Variants in PER2 observed in about 807,000 individuals in gnomAD.
PER2 encodes the protein period circadian protein homolog 2.
In PER2, 66 loss-of-function variants were observed where a neutral mutation model predicts 121.0. The ratio of observed to expected loss-of-function variants is 0.55; its 90% confidence interval spans 0.45 to 0.67. The LOEUF is 0.67. Among genes scored for constraint, PER2 ranks in the 30% least tolerant of loss-of-function variants. PER2 has a pLI of 0.00. For missense variants in PER2, 1,521 were observed against 1,635.0 expected (o/e 0.93, Z 1.20); for synonymous variants, 684 against 659.9 (o/e 1.04, Z -0.56).
intron 20 of PER2, 124 bp from the exon 21 acceptor site, chr2:238,250,867 T>C: frequency 1.4e-6 from 1 of 702,870 alleles, no homozygotes; most frequent in East Asian, 2.7e-5. Flanking sequence ...ATTGGGTATC[T>C]ATGCCGGTGC....
Position 238,250,666 on chromosome 2 carries a change from T to C in PER2, c.3352A>G (p.Asn1118Asp). ...TGCTCACTTTCTTCCATACCAGTGT[T>C]CATTTTTGCTTTGTGATTATTCTCT... ...SSENNHKAKM[N>D]TGMEESEHFI... Residue 1118 changes from asparagine to aspartate, a missense_variant, in exon 21 of 23, where the codon AAC becomes GAC. By Grantham distance (23) the Asn-to-Asp change is conservative (BLOSUM62 1). Coordinates refer to ENST00000254657, the MANE Select transcript of PER2 (RefSeq NM_022817.3). The C allele has an allele frequency of 6.2e-7, 1 of 1,613,348 alleles. No homozygotes were observed. Among genetic ancestry groups the C allele is most frequent in the Non-Finnish European group, 8.5e-7 (1 of 1,179,198 alleles).
rs140071239 is a variant in PER2, at chr2:238,277,110, T to C, written c.293+21A>G. On this transcript the variant is annotated intron_variant, in intron 3 of 22. Coordinates refer to ENST00000254657, the MANE Select transcript of PER2 (RefSeq NM_022817.3). Reference sequence around the variant, plus strand: ...TCAATTTCTCTAAAACCTCTATGTATGAAGTTCTAATTGGCCTTACCTGCA... The same window carrying C: ...TCAATTTCTCTAAAACCTCTATGTACGAAGTTCTAATTGGCCTTACCTGCA... The C allele has an allele frequency of 1.5e-4, 233 of 1,554,318 alleles. No individual in the cohort carries two copies. The East Asian group carries it at 4.6e-3, about 31-fold the overall frequency.
chr2:238,300,002 G>A, the PER2 span: 8 of 152,392 alleles, frequency 5.2e-5, no homozygotes, highest in East Asian at 1.4e-3. Context: ...AGGTGACGCT[G>A]GTTCTTCGCA....
upstream of PER2, among the ~76,000 whole-genome samples, chr2:238,294,522 C>T (rs576323469): frequency 6.6e-6 from 1 of 152,304 alleles, no homozygotes; most frequent in South Asian, 2.1e-4. Context: ...TGATGGAGCA[C>T]GTGCTTGCTG....
At chr2:238,294,594 A>G (rs1272437368), upstream of PER2, among the ~76,000 whole-genome samples, 1 of 152,208 alleles carries the variant, frequency 6.6e-6, no homozygotes, top group South Asian at 2.1e-4. Flanking sequence ...ACCACTCTAT[A>G]GGACATGCGC....
intron 6 of PER2, among the ~76,000 whole-genome samples, chr2:238,269,816 T>C (rs191113294): frequency 5.9e-5 from 9 of 152,372 alleles, no homozygotes; most frequent in Admixed American, 2.0e-4. Context: ...AGCAGCTATA[T>C]CTTGGAAGCT....
At position 238,246,364 on chromosome 2, in the gene PER2, T is replaced by G. The variant is rs1332963510; in HGVS notation, c.*11A>C. 2 of 1,586,584 alleles carry G rather than the reference T, an allele frequency of 1.3e-6. No individual in the cohort carries two copies. The highest frequency in any genetic ancestry group is 3.5e-5 in the Admixed American group (2 of 56,508). Reference sequence around the variant, plus strand: ...TACCTCGCTGGCTGCCGGGCTGAGGTGGGGCAGGGGTTACGTCTGCTCTTC... The same window carrying G: ...TACCTCGCTGGCTGCCGGGCTGAGGGGGGGCAGGGGTTACGTCTGCTCTTC... On this transcript the variant is annotated 3_prime_UTR_variant, in exon 23 of 23. Coordinates refer to ENST00000254657, the MANE Select transcript of PER2 (RefSeq NM_022817.3).
In PER2 at chr2:238,253,684, T is replaced by C. The variant is rs767709486; in HGVS notation, c.2339A>G (p.Asn780Ser). ...PSERTAPGLR[N>S]TSGIDSPWKK... ...CCAAGGTGAATCTATTCCGGAAGTA[T>C]TTCTTAGTCCAGGGGCAGCTAATGC... Residue 780 changes from asparagine to serine, a missense_variant, in exon 19 of 23, where the codon AAT (asparagine) becomes AGT (serine). Physicochemically the swap from Asn to Ser is conservative, Grantham distance 46 (BLOSUM62 1). Coordinates refer to ENST00000254657, the MANE Select transcript of PER2 (RefSeq NM_022817.3). This position sits in a 1 kb window ranked among gnomAD's most constrained non-coding sequence, Gnocchi z 5.6. 3.1e-6 allele frequency: 5 copies of C among 1,606,864 alleles called. No individual in the cohort carries two copies. The East Asian group carries it at 6.7e-5, about 22-fold the overall frequency.
At chr2:238,277,531 C>T (rs749204473) in intron 2 of PER2, among the ~76,000 whole-genome samples, 176 bp downstream of exon 2, 14 of 152,174 alleles carry the variant, frequency 9.2e-5, no homozygotes, top group Non-Finnish European at 1.6e-4. Context: ...TCTGCGAACT[C>T]GACAGGGCCT....
At chr2:238,297,945 G>T in the PER2 span, among the ~76,000 whole-genome samples, 11 of 152,118 alleles carry the variant, frequency 7.2e-5, no homozygotes, top group Non-Finnish European at 1.3e-4. Flanking sequence ...GCAGCAGCCA[G>T]CATGGGGATG....
chr2:238,275,819 T>A lies in PER2; in HGVS notation c.372A>T (p.Ala124=), dbSNP rs767687681. 1 of 1,614,108 alleles carries A rather than the reference T, an allele frequency of 6.2e-7. No individual in the cohort carries two copies. Among genetic ancestry groups the A allele is most frequent in the African/African-American group, 1.3e-5 (1 of 74,962 alleles). ...TGGCCTTGCCCTTGGCCTTCTTGTC[T>A]GCAGGGAGGTGGACCTTCAGCTCCT... ...TLKELKVHLP[A]DKKAKGKAST... The change falls in exon 4 of 23, where the codon GCA becomes GCT. Residue 124 remains alanine, a synonymous_variant. Transcript: ENST00000254657.
At chr2:238,294,326 C>A (rs537860089), upstream of PER2, among the ~76,000 whole-genome samples, 2 of 152,338 alleles carry the variant, frequency 1.3e-5, no homozygotes, top group East Asian at 3.9e-4. Context: ...CAGTTGGCAC[C>A]TCCAACCATG....
chr2:238,294,378 G>A (rs905961874), upstream of PER2, among the ~76,000 whole-genome samples: 1 of 152,180 alleles, frequency 6.6e-6, no homozygotes, highest in African/African-American at 2.4e-5. Flanking sequence ...ATGCTCTGGG[G>A]ACCAACAAGG....
chr2:238,267,342 A>T (rs1375909913), intron 8 of PER2, among the ~76,000 whole-genome samples: 1 of 152,198 alleles, frequency 6.6e-6, no homozygotes, highest in African/African-American at 2.4e-5. Flanking sequence ...TCAAGAGAAG[A>T]GCCCAGATAT....
At chr2:238,266,765 C>T (rs893060763) in intron 8 of PER2, among the ~76,000 whole-genome samples, 1 of 152,096 alleles carries the variant, frequency 6.6e-6, no homozygotes, top group African/African-American at 2.4e-5. Flanking sequence ...TGGCCGGGCG[C>T]GGTGGCTCGC....
upstream of PER2, among the ~76,000 whole-genome samples, chr2:238,290,837 T>C (rs1182301175): frequency 6.6e-6 from 1 of 152,160 alleles, no homozygotes; most frequent in Non-Finnish European, 1.5e-5. Context: ...TTGTGGTGTG[T>C]AGGTCCTGAG....
At chr2:238,279,342 G>T (rs1230239780) in intron 1 of PER2, among the ~76,000 whole-genome samples, 3 of 152,156 alleles carry the variant, frequency 2.0e-5, no homozygotes, top group Non-Finnish European at 4.4e-5. Flanking sequence ...CAGCAACTCT[G>T]GATCACGGTC....
intron 4 of PER2, among the ~76,000 whole-genome samples, chr2:238,275,303 C>A (rs1423035006): frequency 6.6e-6 from 1 of 152,210 alleles, no homozygotes; most frequent in Admixed American, 6.5e-5. Flanking sequence ...CCCACCCTGG[C>A]TGACACTGAT....
chr2:238,288,230 T>TG (rs1261865935), intron 1 of PER2, 119 bp downstream of exon 1: 1 of 152,282 alleles, frequency 6.6e-6, no homozygotes, highest in African/African-American at 2.4e-5. Flanking sequence ...CGCTGACCCT[T>TG]GGTTTCCTTG....
Sources: allele counts gnomAD v4.1 joint callset (sites outside exome capture counted in the v4.1 genomes callset), GRCh38; gene constraint gnomAD v4.1.1; non-coding constraint Gnocchi (gnomAD v3.1); transcripts MANE v1.5; gene names NCBI Gene and HGNC (gene_info 2026-07-23, HGNC 2026-07-21).